GABRA5: variants seen among roughly 807,000 people sequenced by gnomAD.
GABRA5 encodes the protein gamma-aminobutyric acid type A receptor subunit alpha5, also known as gamma-aminobutyric acid receptor subunit alpha-5.
Under a neutral mutation model 47.3 loss-of-function variants are expected in GABRA5, and 18 were observed. The ratio of observed to expected loss-of-function variants is 0.38; its 90% confidence interval spans 0.26 to 0.56. The LOEUF is 0.56. Ranked by LOEUF, GABRA5 falls within the 20% of genes least tolerant of loss-of-function variation. The pLI is 0.71. For missense variants in GABRA5, 365 were observed against 599.3 expected (o/e 0.61, Z 4.08); for synonymous variants, 237 against 229.3 (o/e 1.03, Z -0.30).
At chr15:26,915,195 G>T (rs969930411) in intron 7 of GABRA5, among the ~76,000 whole-genome samples, 3 of 152,010 alleles carry the variant, frequency 2.0e-5, no homozygotes, top group Non-Finnish European at 2.9e-5. Flanking sequence ...TTTTGTTTTT[G>T]CATCTCAGAT....
intron 7 of GABRA5, among the ~76,000 whole-genome samples, chr15:26,930,734 G>T (rs1894081414): frequency 6.6e-6 from 1 of 151,956 alleles, no homozygotes. Context: ...GAAAATGTAG[G>T]CTTCTTCTAG....
chr15:26,911,371 G>GCA (rs111798012), intron 6 of GABRA5, among the ~76,000 whole-genome samples: 22,887 of 118,256 alleles, frequency 0.19, 1,813 homozygotes, highest in Admixed American at 0.27. Flanking sequence ...CTTGCTGCAT[G>GCA]CACACACACA....
chr15:26,896,211 A>T (rs1397080495), intron 6 of GABRA5, among the ~76,000 whole-genome samples: 1 of 152,234 alleles, frequency 6.6e-6, no homozygotes, highest in Non-Finnish European at 1.5e-5. Flanking sequence ...CAAAGAAACA[A>T]ACATTTATCG....
chr15:26,915,058 G>A (rs1893688721), intron 7 of GABRA5, among the ~76,000 whole-genome samples, 173 bp downstream of exon 7: 1 of 152,160 alleles, frequency 6.6e-6, no homozygotes, highest in Admixed American at 6.5e-5. Flanking sequence ...CTGCAAAATG[G>A]GGTCATTAAC....
At chr15:26,895,757 G>C in intron 6 of GABRA5, among the ~76,000 whole-genome samples, 1 of 147,888 alleles carries the variant, frequency 6.8e-6, no homozygotes, top group Non-Finnish European at 1.5e-5. Flanking sequence ...AGGTTGCAGA[G>C]AGCCAAGATG....
chr15:26,890,389 A>G (rs1391109269), intron 6 of GABRA5, among the ~76,000 whole-genome samples: 1 of 150,622 alleles, frequency 6.6e-6, no homozygotes, highest in East Asian at 2.0e-4. Flanking sequence ...AAAACCATGC[A>G]TAACAGTTAC....
At chr15:26,879,773 T>C (rs1447494813) in intron 3 of GABRA5, among the ~76,000 whole-genome samples, 1 of 152,166 alleles carries the variant, frequency 6.6e-6, no homozygotes, top group Non-Finnish European at 1.5e-5. Context: ...AGCCTTTTCA[T>C]GGGAGAGAAA....
At chr15:26,874,315 G>C (rs561314289) in intron 3 of GABRA5, among the ~76,000 whole-genome samples, 2 of 127,154 alleles carry the variant, frequency 1.6e-5, no homozygotes, top group Admixed American at 1.6e-4. Flanking sequence ...TATTCACAAT[G>C]CATTTTTTTT....
intron 7 of GABRA5, among the ~76,000 whole-genome samples, chr15:26,932,281 AC>A (rs1466635085): frequency 1.1e-4 from 17 of 152,346 alleles, no homozygotes; most frequent in African/African-American, 3.8e-4. Context: ...AAGGAAAAAA[AC>A]AACCCCATTA....
chr15:26,929,888 C>T (rs1217260206), intron 7 of GABRA5, among the ~76,000 whole-genome samples: 2 of 152,186 alleles, frequency 1.3e-5, no homozygotes, highest in Non-Finnish European at 2.9e-5. Context: ...GGTCCTTTGG[C>T]CACACCCATC....
intron 10 of GABRA5, among the ~76,000 whole-genome samples, chr15:26,946,433 G>GTT (rs56708714): frequency 0.025 from 3,677 of 144,846 alleles, 52 homozygotes; most frequent in Middle Eastern, 0.046. Context: ...CAATTTATCT[G>GTT]TTTTTTTTTT....
chr15:26,904,278 T>C (rs1595412917), intron 6 of GABRA5, among the ~76,000 whole-genome samples: 1 of 152,144 alleles, frequency 6.6e-6, no homozygotes, highest in Admixed American at 6.5e-5. Flanking sequence ...GTTGTAGGTG[T>C]GTGGCCTTAT....
rs1350926548 is a variant in GABRA5, at chr15:26,929,645, C to T, written c.581-7540C>T. Among the ~76,000 whole-genome samples, 5 of 152,226 alleles carry T rather than the reference C, an allele frequency of 3.3e-5. 1 individual carries two copies. The highest frequency in any genetic ancestry group is 6.5e-5 in the Admixed American group (1 of 15,284). On this transcript the variant is annotated intron_variant, in intron 7 of 10. Transcript: ENST00000335625. ...ATTGTGCCCCCTCTGCTCTGTTGAGCGCAGCCCTCACCACACCAGGGCCCC... is the reference window on the plus strand; with the variant it reads ...ATTGTGCCCCCTCTGCTCTGTTGAGTGCAGCCCTCACCACACCAGGGCCCC...
Position 26,948,520 on chromosome 15 carries a change from C to T in GABRA5, c.*287C>T, listed in dbSNP as rs1036679016. The T allele has an allele frequency of 1.5e-5, 5 of 337,886 alleles. No homozygotes were observed. Among genetic ancestry groups the T allele is most frequent in the South Asian group, 7.1e-5 (1 of 14,062 alleles). The allele number at this position is 337,886 out of a possible 1,614,324, so 20.9% of individuals were successfully genotyped here. ...ACGTTGATAGTTTACAAACAAGATA[C>T]GTATATTTTTAACTGCTTCAAGTGT... On this transcript the variant is annotated 3_prime_UTR_variant, in exon 11 of 11. Transcript: ENST00000335625.
At chr15:26,925,445 C>T (rs1015636207) in intron 7 of GABRA5, among the ~76,000 whole-genome samples, 1 of 152,144 alleles carries the variant, frequency 6.6e-6, no homozygotes, top group Non-Finnish European at 1.5e-5. Flanking sequence ...ATTCAGTATA[C>T]AATATGTATC....
intron 6 of GABRA5, among the ~76,000 whole-genome samples, chr15:26,907,548 A>G (rs1162254831): frequency 6.6e-6 from 1 of 152,188 alleles, no homozygotes; most frequent in Non-Finnish European, 1.5e-5. Flanking sequence ...GCAAACCAGG[A>G]CAATCACAAT....
At chr15:26,904,544 T>A (rs1334402788) in intron 6 of GABRA5, among the ~76,000 whole-genome samples, 1 of 152,184 alleles carries the variant, frequency 6.6e-6, no homozygotes, top group African/African-American at 2.4e-5. Flanking sequence ...AATCTGTAAA[T>A]TGCTTTCAGC....
In GABRA5 at chr15:26,880,857, T is replaced by C. The variant is rs1892712376; in HGVS notation, c.98T>C (p.Met33Thr). The C allele has an allele frequency of 3.1e-6, 5 of 1,613,820 alleles. No homozygotes were observed. Among genetic ancestry groups the C allele is most frequent in the Non-Finnish European group, 4.2e-6 (5 of 1,179,798 alleles). ...NLSSHFGFSQ[M>T]PTSSVKDETN... ...TCTCTTTTTAAAAGCTTTTCACAGA[T>C]GCCAACCAGTTCAGTGAAAGATGAG... Residue 33 changes from methionine to threonine, a missense_variant, in exon 4 of 11, where the codon ATG becomes ACG. Met to Thr is a moderately conservative substitution (Grantham distance 81). This residue lies in a region of GABRA5 where 216 missense variants were observed against 335.3 expected (regional missense o/e 0.64). Coordinates refer to ENST00000335625, the MANE Select transcript of GABRA5 (RefSeq NM_000810.4).
At chr15:26,906,347 G>A (rs1893444042) in intron 6 of GABRA5, among the ~76,000 whole-genome samples, 1 of 152,154 alleles carries the variant, frequency 6.6e-6, no homozygotes, top group African/African-American at 2.4e-5. Flanking sequence ...GATAGGGTCT[G>A]TGTGCATGTT....
Sources: allele counts gnomAD v4.1 joint callset (sites outside exome capture counted in the v4.1 genomes callset), GRCh38; gene constraint gnomAD v4.1.1; regional missense constraint gnomAD v4.1.1; transcripts MANE v1.5; gene names NCBI Gene and HGNC (gene_info 2026-07-23, HGNC 2026-07-21).